SPTBN5: variants seen among roughly 807,000 people sequenced by gnomAD.
The protein encoded by SPTBN5 is spectrin beta chain, non-erythrocytic 5.
Under a neutral mutation model 477.6 loss-of-function variants are expected in SPTBN5, and 513 were observed. The observed-to-expected ratio is 1.07, with a 90% CI of 1.00 to 1.16. The LOEUF (loss-of-function observed/expected upper bound fraction) is 1.16, where lower values mean the gene tolerates loss of function less well. Among genes scored for constraint, SPTBN5 ranks in the 50% most tolerant of loss-of-function variants. The pLI is 0.00. For missense variants in SPTBN5, 5,062 were observed against 4,731.8 expected (o/e 1.07, Z -2.05); for synonymous variants, 2,169 against 2,011.7 (o/e 1.08, Z -2.09).
intron 12 of SPTBN5, 90 bp downstream of exon 12, chr15:41,881,846 C>A: frequency 7.8e-7 from 1 of 1,277,824 alleles, no homozygotes; most frequent in Non-Finnish European, 1.0e-6. Flanking sequence ...GGGCCAGAGG[C>A]CACAAAGGCC....
chr15:41,849,837 C>G, intron 67 of SPTBN5, 32 bp downstream of exon 67: 2 of 1,529,190 alleles, frequency 1.3e-6, no homozygotes, highest in Non-Finnish European at 1.8e-6. Flanking sequence ...CCCAGGGCTC[C>G]CCGCCCTGCT....
At chr15:41,862,010 G>A in intron 44 of SPTBN5, 87 bp from the exon 45 acceptor site, 1 of 1,526,966 alleles carries the variant, frequency 6.5e-7, no homozygotes, top group Non-Finnish European at 8.8e-7. Flanking sequence ...AGGAGCGGGA[G>A]GCTGGAGGAG....
chr15:41,852,391 C>T, intron 61 of SPTBN5, 75 bp from the exon 62 acceptor site: 3 of 1,487,778 alleles, frequency 2.0e-6, no homozygotes, highest in Non-Finnish European at 2.7e-6. Flanking sequence ...CCGTCTACCT[C>T]CCCTCCCCCA....
intron 1 of SPTBN5, 152 bp from the exon 2 acceptor site, chr15:41,893,698 G>T: frequency 1.0e-6 from 1 of 962,432 alleles, no homozygotes; most frequent in Non-Finnish European, 1.5e-6. Context: ...GGTCCCCTGT[G>T]CTTGAATGGC....
At position 41,856,407 on chromosome 15, in the gene SPTBN5, C is replaced by G. The variant is rs746634066; in HGVS notation, c.9000G>C (p.Glu3000Asp). The G allele has an allele frequency of 1.0e-5, 16 of 1,583,644 alleles. No homozygotes were observed. Among genetic ancestry groups the G allele is most frequent in the Middle Eastern group, 4.5e-4 (2 of 4,416 alleles). Residue 3000 changes from glutamate (E) to aspartate (D), a missense_variant, in exon 53 of 68, where the codon GAG becomes GAC. By Grantham distance (45) the Glu-to-Asp change is conservative (BLOSUM62 2). Coordinates refer to ENST00000320955, the MANE Select transcript of SPTBN5 (RefSeq NM_016642.4). The part of the protein sequence containing the change: ...RRRLLLQQAQ[E>D]AQQFLTELLE... ...TCACCTCAGTCAGAAACTGCTGGGC[C>G]TCCTGAGCCTGCTGCAGCAGAAGCC...
At position 41,893,817 on chromosome 15, in the gene SPTBN5, C is replaced by A. The variant is rs535869323; in HGVS notation, c.-50+82G>T. The A allele has an allele frequency of 1.3e-5, 6 of 454,262 alleles. No homozygotes were observed. In the South Asian group the frequency reaches 2.0e-4, roughly 15 times the overall value. 28.1% of individuals were successfully genotyped at this position (454,262 alleles called of 1,614,324 possible). Reference sequence around the variant, plus strand: ...GGACAGGTGGAAGGAAGACAGGAAACTGCTTACCTTGGTGATGCCTGGGTC... The same window carrying A: ...GGACAGGTGGAAGGAAGACAGGAAAATGCTTACCTTGGTGATGCCTGGGTC... On this transcript the variant is annotated intron_variant, in intron 1 of 67. Coordinates refer to ENST00000320955, the MANE Select transcript of SPTBN5 (RefSeq NM_016642.4).
chr15:41,871,085 T>C (rs2066518572), intron 29 of SPTBN5, among the ~76,000 whole-genome samples: 2 of 152,214 alleles, frequency 1.3e-5, no homozygotes, highest in Non-Finnish European at 2.9e-5. Flanking sequence ...GCACAGGAGC[T>C]GGGGTAGCTC....
intron 7 of SPTBN5, among the ~76,000 whole-genome samples, chr15:41,884,040 C>T (rs997857416): frequency 3.3e-5 from 5 of 152,164 alleles, no homozygotes; most frequent in Non-Finnish European, 7.3e-5. Flanking sequence ...GGCCGGACTG[C>T]GGTGGCACGA....
chr15:41,877,599 G>C (rs1306887068), intron 17 of SPTBN5, among the ~76,000 whole-genome samples: 1 of 152,248 alleles, frequency 6.6e-6, no homozygotes, highest in Non-Finnish European at 1.5e-5. Flanking sequence ...AGCACAGTGT[G>C]AGAGAGAAAA....
At position 41,888,093 on chromosome 15, in the gene SPTBN5, G is replaced by A; in HGVS notation, c.502-8C>T. ...GCTGGCCCCAAACTCCTCCTGGCGGGACAGGGCAGCAGGGTCACCATGCGG... is the reference window on the plus strand; with the variant it reads ...GCTGGCCCCAAACTCCTCCTGGCGGAACAGGGCAGCAGGGTCACCATGCGG... On this transcript the variant is annotated splice_polypyrimidine_tract_variant and splice_region_variant and intron_variant, in intron 4 of 67. Transcript: ENST00000320955. The A allele has an allele frequency of 6.4e-7, 1 of 1,562,618 alleles. No individual in the cohort carries two copies. Among genetic ancestry groups the A allele is most frequent in the Non-Finnish European group, 8.7e-7 (1 of 1,155,034 alleles).
chr15:41,883,032 TG>T lies in SPTBN5; in HGVS notation c.1855del (p.Gln619SerfsTer37), dbSNP rs765616813. 1 of 1,557,898 alleles carries T rather than the reference TG, an allele frequency of 6.4e-7. No homozygotes were observed. Among genetic ancestry groups the T allele is most frequent in the South Asian group, 1.2e-5 (1 of 85,516 alleles). On this transcript the variant is annotated frameshift_variant, in exon 9 of 68. Coordinates refer to ENST00000320955, the MANE Select transcript of SPTBN5 (RefSeq NM_016642.4). LOFTEE classifies it high-confidence loss of function. Reference sequence around the variant, plus strand: ...AAGAGCCACCAGGCTCTGTTGGAGCTGGGCCAGTGTCCTGGCCTTGGCCTGC... The same window carrying T: ...AAGAGCCACCAGGCTCTGTTGGAGCTGGCCAGTGTCCTGGCCTTGGCCTGC... ...VLQAKARTLAQLQQSLVALVR... is the reference protein window; with the variant it reads ...VLQAKARTLAXLQQSLVALVR...
chr15:41,866,097 G>A lies in SPTBN5; in HGVS notation c.6763C>T (p.Arg2255Trp), dbSNP rs780525796. 3.7e-5 allele frequency: 58 copies of A among 1,557,274 alleles called. No individual in the cohort carries two copies. In the East Asian group the frequency reaches 4.3e-4, roughly 12 times the overall value. ...ALRGQELEDR[R>W]NFLEFLQRVD... is the part of the protein sequence containing the mutation. ...CTCTGCAGGAACTCCAGGAAGTTCC[G>A]CCTGTCCTCCAGCTCCTGGCCCCTG... The change falls in exon 38 of 68, where the codon CGG (arginine) becomes TGG (tryptophan). Residue 2255 changes from arginine (R) to tryptophan (W), a missense_variant. Physicochemically the swap from Arg to Trp is moderately radical, Grantham distance 101. Coordinates refer to ENST00000320955, the MANE Select transcript of SPTBN5 (RefSeq NM_016642.4).
rs376159157 is a variant in SPTBN5 at position 41,865,851 on chromosome 15, T to G, written c.6875A>C (p.Gln2292Pro). The change falls in exon 39 of 68, where the codon CAG becomes CCG. Residue 2292 changes from glutamine (Q) to proline (P), a missense_variant. Gln to Pro is a moderately conservative substitution (Grantham distance 76). Transcript: ENST00000320955. ...GAACTCGCGGAGCCGCCGTCGGAGC[T>G]GCAGGCAGTGCTCCAGGTCCTGGCC... ...DLGQDLEHCL[Q>P]LRRRLREFRG... The G allele has an allele frequency of 3.2e-6, 5 of 1,581,764 alleles. No individual in the cohort carries two copies. The highest frequency in any genetic ancestry group is 4.3e-6 in the Non-Finnish European group (5 of 1,164,502).
intron 46 of SPTBN5, 81 bp downstream of exon 46, chr15:41,861,338 G>T: frequency 7.9e-7 from 1 of 1,258,102 alleles, no homozygotes; most frequent in Non-Finnish European, 1.2e-6. Flanking sequence ...GGCCTAGGGA[G>T]CTCAGGCAGC....
chr15:41,870,445 C>T lies in SPTBN5; in HGVS notation c.5562+1G>A. 2 of 1,613,680 alleles carry T rather than the reference C, an allele frequency of 1.2e-6. No individual in the cohort carries two copies. On this transcript the variant is annotated splice_donor_variant, in intron 30 of 67. Coordinates refer to ENST00000320955, the MANE Select transcript of SPTBN5 (RefSeq NM_016642.4). LOFTEE classifies it high-confidence loss of function. ...CTTCTAGCCACCCCTCCGGCTCACA[C>T]CTGGACCTGGGTGAGGACTTCCAAG...
At position 41,863,824 on chromosome 15, in the gene SPTBN5, C is replaced by T. The variant is rs1459375465; in HGVS notation, c.7035-6G>A. The T allele has an allele frequency of 8.1e-6, 13 of 1,613,800 alleles. No individual in the cohort carries two copies. The highest frequency in any genetic ancestry group is 1.1e-5 in the Non-Finnish European group (13 of 1,179,804). ...TGCCATGGAAACTCGCCCACCTGGC[C>T]AAGGGGTGGTGGTGTCATGTGGAGC... is the stretch of plus-strand genomic sequence containing the variant. On this transcript the variant is annotated splice_region_variant and splice_polypyrimidine_tract_variant and intron_variant, in intron 40 of 67. Transcript: ENST00000320955.
chr15:41,856,611 A>G lies in SPTBN5; in HGVS notation c.8809-13T>C. 1 of 1,564,270 alleles carries G rather than the reference A, an allele frequency of 6.4e-7. No homozygotes were observed. The highest frequency in any genetic ancestry group is 8.6e-7 in the Non-Finnish European group (1 of 1,161,378). ...CACTCTCCAGGTTCTGCGGGGGAGG[A>G]GGCAGGAGGATGCGGATGTTGCTGA... On this transcript the variant is annotated splice_polypyrimidine_tract_variant and intron_variant, in intron 52 of 67. Coordinates refer to ENST00000320955, the MANE Select transcript of SPTBN5 (RefSeq NM_016642.4).
chr15:41,860,285 G>GA (rs1424951960), intron 47 of SPTBN5, among the ~76,000 whole-genome samples: 2 of 152,192 alleles, frequency 1.3e-5, no homozygotes, highest in Non-Finnish European at 2.9e-5. Context: ...TGTGCCCTGC[G>GA]ACCTTCCGTT....
intron 13 of SPTBN5, among the ~76,000 whole-genome samples, chr15:41,880,819 G>A (rs1423780637): frequency 6.6e-6 from 1 of 152,156 alleles, no homozygotes; most frequent in African/African-American, 2.4e-5. Context: ...TTCCCTCCAA[G>A]GTGCCTTCCC....
Sources: gnomAD v4.1 joint callset for allele counts (sites outside exome capture counted in the v4.1 genomes callset) on GRCh38, gnomAD v4.1.1 for gene constraint, MANE v1.5 for transcripts, NCBI Gene and HGNC (gene_info 2026-07-23, HGNC 2026-07-21) for gene names.